NCKAP5L: variants seen among roughly 807,000 people sequenced by gnomAD.
The protein encoded by NCKAP5L is NCK associated protein 5 like, also known as nck-associated protein 5-like.
In NCKAP5L, 54 loss-of-function variants were observed where a neutral mutation model predicts 103.2. That is an observed-to-expected ratio of 0.52 (90% confidence interval 0.42 to 0.66). The LOEUF (loss-of-function observed/expected upper bound fraction) is 0.66. Among genes scored for constraint, NCKAP5L ranks in the 30% least tolerant of loss-of-function variants. NCKAP5L has a pLI of 0.00. For missense variants in NCKAP5L, 1,733 were observed against 1,750.6 expected (o/e 0.99, Z 0.18); for synonymous variants, 762 against 748.6 (o/e 1.02, Z -0.29).
At chr12:49,793,248 C>A (rs1190948646) in intron 10 of NCKAP5L, 104 bp downstream of exon 10, 17 of 1,193,130 alleles carry the variant, frequency 1.4e-5, no homozygotes, top group Non-Finnish European at 1.2e-6. Flanking sequence ...ACCAAGATGG[C>A]ACACAGAGCC....
intron 6 of NCKAP5L, among the ~76,000 whole-genome samples, chr12:49,799,032 T>C (rs570890028): frequency 3.5e-4 from 53 of 152,188 alleles, no homozygotes; most frequent in Admixed American, 1.6e-3. Context: ...CCTGGGCATC[T>C]TGTGGCTAGA....
At position 49,792,308 on chromosome 12, in the gene NCKAP5L, C is replaced by T; in HGVS notation, c.3792+138G>A. On this transcript the variant is annotated intron_variant, in intron 12 of 12. Transcript: ENST00000335999. This position sits in a 1 kb window ranked among gnomAD's most constrained non-coding sequence, Gnocchi z 4.5. ...GTGGGGAGGGCCGCTCACAGGGCAT[C>T]CCAGGGGTCCTCCTCCCAGAGGGTG... 1 of 1,522,540 alleles carries T rather than the reference C, an allele frequency of 6.6e-7. No homozygotes were observed. The highest frequency in any genetic ancestry group is 1.2e-5 in the South Asian group (1 of 82,898). The allele number at this position is 1,522,540 out of a possible 1,614,324, so 94.3% of individuals were successfully genotyped here. A position where few individuals can be genotyped will look rare whatever the true frequency, so the allele number is the denominator to read the frequency against.
chr12:49,820,221 AG>A (rs1261292319), intron 1 of NCKAP5L, among the ~76,000 whole-genome samples: 1 of 151,484 alleles, frequency 6.6e-6, no homozygotes, highest in Non-Finnish European at 1.5e-5. Context: ...CTGAGACAAT[AG>A]GGCCTGGGAG....
chr12:49,822,548 ATT>A (rs776773360), intron 1 of NCKAP5L, among the ~76,000 whole-genome samples: 92 of 139,360 alleles, frequency 6.6e-4, no homozygotes, highest in African/African-American at 8.9e-4. Context: ...TGGGAGTGAG[ATT>A]TTTTTTTTTT....
At chr12:49,793,270 G>T in intron 10 of NCKAP5L, 82 bp downstream of exon 10, 1 of 1,388,048 alleles carries the variant, frequency 7.2e-7, no homozygotes, top group Non-Finnish European at 1.0e-6. Flanking sequence ...GGCACCTGCT[G>T]CGGGGACGGG....
At chr12:49,804,200 G>GAGATACCCAGCCTGGCC in intron 2 of NCKAP5L, 120 bp from the exon 3 acceptor site, 1 of 915,104 alleles carries the variant, frequency 1.1e-6, no homozygotes, top group Non-Finnish European at 1.6e-6. Flanking sequence ...TCAGGGCCAG[G>GAGATACCCAGCCTGGCC]CTGGGTATCT....
intron 1 of NCKAP5L, among the ~76,000 whole-genome samples, chr12:49,810,874 G>A (rs990796201): frequency 1.3e-5 from 2 of 152,142 alleles, no homozygotes; most frequent in Non-Finnish European, 2.9e-5. Context: ...GCTCTTCGGG[G>A]TCCTCAAGTT....
Position 49,792,466 on chromosome 12 carries a change from C to T in NCKAP5L, c.3772G>A (p.Gly1258Arg). Residue 1258 changes from glycine to arginine, a missense_variant, in exon 12 of 13, where the codon GGG becomes AGG. Gly to Arg is a moderately radical substitution (Grantham distance 125). Transcript: ENST00000335999. This position sits in a 1 kb window ranked among gnomAD's most constrained non-coding sequence, Gnocchi z 4.5. ...PLMCPPRQLE[G>R]LPRTPMALPV... The stretch of plus-strand genomic sequence containing the variant: ...CTCACCATGGGGGTCCTGGGCAGCC[C>T]CTCCAGTTGTCGGGGTGGGCACATG... 1.9e-6 allele frequency: 3 copies of T among 1,613,520 alleles called. No individual in the cohort carries two copies. Among genetic ancestry groups the T allele is most frequent in the Non-Finnish European group, 2.5e-6 (3 of 1,179,648 alleles).
chr12:49,801,143 A>G (rs757853913), intron 6 of NCKAP5L, among the ~76,000 whole-genome samples: 1 of 152,200 alleles, frequency 6.6e-6, no homozygotes, highest in Non-Finnish European at 1.5e-5. Context: ...CCTCAGACAG[A>G]CACAAACACG....
intron 2 of NCKAP5L, chr12:49,804,652 C>T (rs1282397975): frequency 1.3e-5 from 2 of 152,244 alleles, no homozygotes; most frequent in Non-Finnish European, 2.9e-5. Flanking sequence ...CTGCCTGGCT[C>T]TGCTTAGTAT....
rs528968275 is a variant in NCKAP5L at position 49,819,031 on chromosome 12, T to TAA, written c.-99+9289_-99+9290dup. Among the ~76,000 whole-genome samples, 47 of 122,374 alleles carry TAA rather than the reference T, an allele frequency of 3.8e-4. 1 individual carries two copies. The highest frequency in any genetic ancestry group is 1.9e-3 in the South Asian group (7 of 3,710). 80.3% of individuals were successfully genotyped at this position (122,374 alleles called of 152,430 possible). On this transcript the variant is annotated intron_variant, in intron 1 of 12. Transcript: ENST00000335999. ...AGACAACACAACAAGACCTTGTATT[T>TAA]AAAAAAAAAAAAAAAAAAAGGCCGG... is the stretch of plus-strand genomic sequence containing the variant.
Position 49,792,131 on chromosome 12 carries a change from C to A in NCKAP5L, c.3793-80G>T. On this transcript the variant is annotated intron_variant, in intron 12 of 12. Transcript: ENST00000335999. The surrounding 1 kb of genome is among the most constrained non-coding windows in gnomAD (Gnocchi z 4.5). ...CTCAGAGGCACTGAGCTCTGAGGGG[C>A]GTCTGTGCACCTGATGGGGGGCTGC... 8 of 1,290,476 alleles carry A rather than the reference C, an allele frequency of 6.2e-6. No homozygotes were observed. In the South Asian group the frequency reaches 1.0e-4, roughly 17 times the overall value. The allele number at this position is 1,290,476 out of a possible 1,614,324, so 79.9% of individuals were successfully genotyped here. A position where few individuals can be genotyped will look rare whatever the true frequency, so the allele number is the denominator to read the frequency against.
chr12:49,816,542 G>A (rs1946299477), intron 1 of NCKAP5L, among the ~76,000 whole-genome samples: 2 of 142,748 alleles, frequency 1.4e-5, no homozygotes, highest in Admixed American at 1.4e-4. Context: ...GCTCATGCCT[G>A]TAATCCCAGC....
At chr12:49,794,001 T>G (rs1592746493) in intron 8 of NCKAP5L, 105 bp from the exon 9 acceptor site, 2 of 1,077,770 alleles carry the variant, frequency 1.9e-6, no homozygotes, top group East Asian at 6.0e-5. Context: ...CTTCCTGCCA[T>G]CCACCCCCGG....
Position 49,791,157 on chromosome 12 carries a change from C to G in NCKAP5L, c.*682G>C, listed in dbSNP as rs983353679. 1 of 152,492 alleles carries G rather than the reference C, an allele frequency of 6.6e-6. No individual in the cohort carries two copies. Among genetic ancestry groups the G allele is most frequent in the African/African-American group, 2.4e-5 (1 of 41,462 alleles). The allele number at this position is 152,492 out of a possible 1,614,324, so 9.4% of individuals were successfully genotyped here. A position where few individuals can be genotyped will look rare whatever the true frequency, so the allele number is the denominator to read the frequency against. On this transcript the variant is annotated 3_prime_UTR_variant, in exon 13 of 13. Coordinates refer to ENST00000335999, the MANE Select transcript of NCKAP5L (RefSeq NM_001037806.4). ...AGCCGACTCAGGGGCAGGGAGGGGG[C>G]CTCCACATTTTATTAGGGATACGGC...
intron 3 of NCKAP5L, among the ~76,000 whole-genome samples, 161 bp from the exon 4 acceptor site, chr12:49,803,326 C>T (rs1190327497): frequency 6.6e-6 from 1 of 152,186 alleles, no homozygotes; most frequent in East Asian, 1.9e-4. Context: ...AGGAATCCTG[C>T]AGAGGCCAAG....
intron 1 of NCKAP5L, among the ~76,000 whole-genome samples, chr12:49,821,033 C>T (rs577623785): frequency 2.0e-5 from 3 of 152,254 alleles, no homozygotes; most frequent in South Asian, 4.1e-4. Flanking sequence ...AGCCAGGTCC[C>T]TTGTGCGGGG....
intron 1 of NCKAP5L, among the ~76,000 whole-genome samples, chr12:49,816,783 TGA>T (rs1946303291): frequency 6.8e-6 from 1 of 146,084 alleles, no homozygotes; most frequent in Admixed American, 6.8e-5. Flanking sequence ...GGTGACAGAG[TGA>T]GAGTCTGTCT....
chr12:49,792,761 C>A lies in NCKAP5L; in HGVS notation c.3566G>T (p.Ser1189Ile). The A allele has an allele frequency of 6.2e-7, 1 of 1,609,234 alleles. No individual in the cohort carries two copies. The highest frequency in any genetic ancestry group is 8.5e-7 in the Non-Finnish European group (1 of 1,178,760). The change falls in exon 11 of 13, where the codon AGT (serine) becomes ATT (isoleucine). Residue 1189 changes from serine to isoleucine, a missense_variant. By Grantham distance (142) the Ser-to-Ile change is moderately radical. Transcript: ENST00000335999. This position sits in a 1 kb window ranked among gnomAD's most constrained non-coding sequence, Gnocchi z 4.5. Reference sequence around the variant, plus strand: ...GGCTGGCATGCTGGGGTGCCGCCCACTCACCAGCAGCTCCTCTATGCCTGG... The same window carrying A: ...GGCTGGCATGCTGGGGTGCCGCCCAATCACCAGCAGCTCCTCTATGCCTGG... ...EVPGIEELLV[S>I]GRHPSMPAFP... is the part of the protein sequence containing the mutation.
Sources: gnomAD v4.1 joint callset for allele counts (sites outside exome capture counted in the v4.1 genomes callset) on GRCh38, gnomAD v4.1.1 for gene constraint, Gnocchi (gnomAD v3.1) non-coding constraint, MANE v1.5 for transcripts, NCBI Gene and HGNC (gene_info 2026-07-23, HGNC 2026-07-21) for gene names.